The following PPM1L variants were observed in gnomAD, a reference collection of about 807,000 sequenced individuals.
PPM1L encodes protein phosphatase 1L.
Under a neutral mutation model 31.4 loss-of-function variants are expected in PPM1L, and 13 were observed. That is an observed-to-expected ratio of 0.41 (90% CI 0.27 to 0.66). The LOEUF is 0.66. PPM1L is among the 30% of genes least tolerant of loss of function. The pLI, the probability that PPM1L is intolerant of heterozygous loss-of-function variation, is 0.29. For synonymous variants in PPM1L, 184 were observed against 175.4 expected (o/e 1.05, Z -0.39); for missense variants, 326 against 453.7 (o/e 0.72, Z 2.56).
chr3:161,015,388 T>A (rs775024014), intron 2 of PPM1L, among the ~76,000 whole-genome samples: 17 of 152,216 alleles, frequency 1.1e-4, no homozygotes, highest in Non-Finnish European at 1.6e-4. Context: ...TCAAATGTGA[T>A]CTGAAATCCT....
At chr3:160,797,721 AC>A (rs1576641978) in intron 1 of PPM1L, among the ~76,000 whole-genome samples, 1 of 151,754 alleles carries the variant, frequency 6.6e-6, no homozygotes, top group Non-Finnish European at 1.5e-5. Flanking sequence ...AGAAGATTAA[AC>A]CAGCCACAAC....
At position 161,071,937 on chromosome 3, in the gene PPM1L, C is replaced by CGA. The variant is rs2108115880; in HGVS notation, c.*2782_*2783dup. On this transcript the variant is annotated 3_prime_UTR_variant, in exon 4 of 4. Transcript: ENST00000498165. The stretch of plus-strand genomic sequence containing the variant: ...GGCTTCCTAGACTCCCTAGCTAGCT[C>CGA]GAGTTCGAATTGCCAATAGTCCCCA... 1 of 152,266 alleles carries CGA rather than the reference C, an allele frequency of 6.6e-6. No individual in the cohort carries two copies. Among genetic ancestry groups the CGA allele is most frequent in the East Asian group, 1.9e-4 (1 of 5,170 alleles). 9.4% of individuals were successfully genotyped at this position (152,266 alleles called of 1,614,324 possible).
intron 1 of PPM1L, among the ~76,000 whole-genome samples, chr3:160,862,662 G>GCGCACACA (rs1553814126): frequency 8.6e-5 from 11 of 127,194 alleles, no homozygotes; most frequent in South Asian, 2.6e-4. Context: ...CTAGGCACAC[G>GCGCACACA]CACACACACA....
At chr3:160,894,250 A>G (rs1486605096) in intron 1 of PPM1L, among the ~76,000 whole-genome samples, 1 of 152,134 alleles carries the variant, frequency 6.6e-6, no homozygotes, top group Non-Finnish European at 1.5e-5. Context: ...TTAGATTTAG[A>G]CCATTGGTTT....
At chr3:160,914,982 C>G (rs532960413) in intron 1 of PPM1L, among the ~76,000 whole-genome samples, 2 of 152,274 alleles carry the variant, frequency 1.3e-5, no homozygotes, top group South Asian at 2.1e-4. Flanking sequence ...GATCGCCATT[C>G]TAACTGGTGT....
intron 2 of PPM1L, among the ~76,000 whole-genome samples, chr3:161,034,785 G>A (rs1576796893): frequency 6.6e-6 from 1 of 151,726 alleles, no homozygotes; most frequent in African/African-American, 2.4e-5. Flanking sequence ...AAACCACCAT[G>A]GCACGTGTAT....
chr3:160,767,738 G>C (rs573391967), intron 1 of PPM1L, among the ~76,000 whole-genome samples: 8 of 152,030 alleles, frequency 5.3e-5, no homozygotes, highest in Non-Finnish European at 1.0e-4. Flanking sequence ...TAAGAAGAGG[G>C]TCTATATTCA....
intron 1 of PPM1L, among the ~76,000 whole-genome samples, chr3:160,807,805 G>C (rs1712646995): frequency 6.7e-6 from 1 of 149,732 alleles, no homozygotes; most frequent in East Asian, 1.9e-4. Flanking sequence ...TTCCTGCTTG[G>C]GCACTTTTTT....
intron 2 of PPM1L, among the ~76,000 whole-genome samples, chr3:161,026,870 G>A (rs1441019919): frequency 6.6e-6 from 1 of 152,106 alleles, no homozygotes; most frequent in Non-Finnish European, 1.5e-5. Flanking sequence ...TTAAATCCTG[G>A]AGGCTATTGC....
intron 1 of PPM1L, among the ~76,000 whole-genome samples, chr3:160,929,618 A>G (rs1026337072): frequency 9.2e-5 from 14 of 152,050 alleles, no homozygotes; most frequent in African/African-American, 3.1e-4. Flanking sequence ...TGCCATGCCT[A>G]CCCTCTTCAT....
rs912772538 is a variant in PPM1L at position 161,071,615 on chromosome 3, G to T, written c.*2458G>T. The T allele has an allele frequency of 1.3e-5, 2 of 152,204 alleles. No homozygotes were observed. Among genetic ancestry groups the T allele is most frequent in the African/African-American group, 4.8e-5 (2 of 41,448 alleles). 9.4% of individuals were successfully genotyped at this position (152,204 alleles called of 1,614,324 possible). A position where few individuals can be genotyped will look rare whatever the true frequency, so the allele number is the denominator to read the frequency against. On this transcript the variant is annotated 3_prime_UTR_variant, in exon 4 of 4. Coordinates refer to ENST00000498165, the MANE Select transcript of PPM1L (RefSeq NM_139245.4). ...TCTTTCCCCCCTACTATGGCTTGTA[G>T]ATTTTCAAAAGATAGAAGTTCTAGG... is the stretch of plus-strand genomic sequence containing the variant.
chr3:161,053,900 T>C (rs987859695), intron 2 of PPM1L, among the ~76,000 whole-genome samples: 3 of 152,254 alleles, frequency 2.0e-5, no homozygotes, highest in Non-Finnish European at 2.9e-5. Flanking sequence ...AACTCAATAG[T>C]TGATATGTTT....
At chr3:161,067,535 G>A (rs1719776833) in intron 3 of PPM1L, among the ~76,000 whole-genome samples, 1 of 152,170 alleles carries the variant, frequency 6.6e-6, no homozygotes, top group African/African-American at 2.4e-5. Context: ...AACATTAGCT[G>A]TCATTTATTG....
At chr3:160,911,391 G>T (rs1462803326) in intron 1 of PPM1L, among the ~76,000 whole-genome samples, 2 of 152,180 alleles carry the variant, frequency 1.3e-5, no homozygotes, top group Non-Finnish European at 2.9e-5. Flanking sequence ...CATAGGTTCT[G>T]CAGAGAGTTC....
chr3:160,766,048 A>G (rs1032735867), intron 1 of PPM1L, among the ~76,000 whole-genome samples: 2 of 152,196 alleles, frequency 1.3e-5, no homozygotes, highest in Non-Finnish European at 2.9e-5. Context: ...TGTTTTTAAT[A>G]GGAATCCTCA....
chr3:160,981,796 T>A (rs573425670), intron 2 of PPM1L, among the ~76,000 whole-genome samples: 9 of 151,480 alleles, frequency 5.9e-5, no homozygotes, highest in Admixed American at 1.3e-4. Flanking sequence ...GGAGTCTCGC[T>A]CTGTCGCTCA....
At chr3:160,773,338 G>A (rs112449857) in intron 1 of PPM1L, among the ~76,000 whole-genome samples, 2,518 of 152,044 alleles carry the variant, frequency 0.017, 65 homozygotes, top group African/African-American at 0.057. Context: ...TGATTATCTC[G>A]TAAAATCTGA....
Position 160,771,611 on chromosome 3 carries a change from A to G in PPM1L, c.399+14904A>G, listed in dbSNP as rs1384582299. On this transcript the variant is annotated intron_variant, in intron 1 of 3. Coordinates refer to ENST00000498165, the MANE Select transcript of PPM1L (RefSeq NM_139245.4). ...AATATTTCTGTGTGTGATCAGTTGG[A>G]GGAAATTTAGTCTCTTAAAGTTTTA... 2.4e-5 allele frequency among the ~76,000 whole-genome samples: 3 copies of G among 125,164 alleles called. No homozygotes were observed. In the East Asian group the frequency reaches 7.6e-4, roughly 32 times the overall value. 82.1% of individuals were successfully genotyped at this position (125,164 alleles called of 152,430 possible). A position where few individuals can be genotyped will look rare whatever the true frequency, so the allele number is the denominator to read the frequency against.
At chr3:161,061,575 AC>A (rs1053181781) in intron 2 of PPM1L, among the ~76,000 whole-genome samples, 3 of 152,226 alleles carry the variant, frequency 2.0e-5, no homozygotes, top group Non-Finnish European at 4.4e-5. Flanking sequence ...GCAATAAAAA[AC>A]AATATAACAT....
Sources: gnomAD v4.1 joint callset for allele counts (sites outside exome capture counted in the v4.1 genomes callset) on GRCh38, gnomAD v4.1.1 for gene constraint, MANE v1.5 for transcripts, NCBI Gene and HGNC (gene_info 2026-07-23, HGNC 2026-07-21) for gene names.